The following MBD2 variants were observed in gnomAD, a reference collection of about 807,000 sequenced individuals.
MBD2 encodes methyl-CpG-binding domain protein 2.
In MBD2, 9 loss-of-function variants were observed where a neutral mutation model predicts 39.3. The ratio of observed to expected loss-of-function variants is 0.23; its 90% confidence interval spans 0.14 to 0.40. The LOEUF is 0.40. MBD2 is among the 10% of genes least tolerant of loss of function. The probability of loss-of-function intolerance (pLI) is 1.00; values close to 1 mark genes in which losing one functional copy is unlikely to be tolerated. For synonymous variants in MBD2, 233 were observed against 211.1 expected, an observed-to-expected ratio of 1.10 and a Z score of -0.90; for missense variants, 458 against 532.6, an observed-to-expected ratio of 0.86 and a Z score of 1.38.
intron 1 of MBD2, 23 bp downstream of exon 1, chr18:54,223,995 C>CCA: frequency 6.4e-7 from 1 of 1,571,226 alleles, no homozygotes; most frequent in East Asian, 2.4e-5. Flanking sequence ...CCCGCCACCC[C>CCA]CTCCCCGCCC....
At chr18:54,165,874 A>G (rs192824027) in intron 4 of MBD2, among the ~76,000 whole-genome samples, 85 of 152,374 alleles carry the variant, frequency 5.6e-4, no homozygotes, top group African/African-American at 1.6e-3. Flanking sequence ...ACTACACTGC[A>G]GCATCCCTGC....
At chr18:54,196,484 T>G (rs1021656904) in intron 2 of MBD2, among the ~76,000 whole-genome samples, 3 of 152,194 alleles carry the variant, frequency 2.0e-5, no homozygotes, top group African/African-American at 7.2e-5. Flanking sequence ...ACTCAGACAG[T>G]TATTCTATGG....
Position 54,188,949 on chromosome 18 carries a change from C to T in MBD2, c.765G>A (p.Pro255=), listed in dbSNP as rs867194627. Residue 255 remains proline (P), a synonymous_variant, in exon 3 of 7, where the codon CCG becomes CCA. Transcript: ENST00000256429. ...IRQTASIFKQ[P]VTKVTNHPSN... The stretch of plus-strand genomic sequence containing the variant: ...TAGGATGATTTGTGACTTTGGTTAC[C>T]GGTTGTTTGAAAATTGATGCTGTTT... The T allele has an allele frequency of 2.5e-6, 4 of 1,609,704 alleles. No homozygotes were observed. The highest frequency in any genetic ancestry group is 1.7e-4 in the Middle Eastern group (1 of 6,060).
At chr18:54,217,711 T>A (rs2086573083) in intron 1 of MBD2, among the ~76,000 whole-genome samples, 1 of 152,236 alleles carries the variant, frequency 6.6e-6, no homozygotes, top group African/African-American at 2.4e-5. Context: ...TCTCATTAAC[T>A]AAATTTTTAA....
chr18:54,200,580 GAC>G (rs924156221), intron 2 of MBD2, among the ~76,000 whole-genome samples: 1 of 152,166 alleles, frequency 6.6e-6, no homozygotes. Flanking sequence ...TAAAAATGTT[GAC>G]AGTCACATCT....
chr18:54,217,264 T>C (rs899536394), intron 1 of MBD2, among the ~76,000 whole-genome samples: 3 of 152,240 alleles, frequency 2.0e-5, no homozygotes, highest in East Asian at 1.9e-4. Flanking sequence ...CAAAATGAGT[T>C]TGAATTTGTA....
chr18:54,198,423 A>C (rs2086381832), intron 2 of MBD2, among the ~76,000 whole-genome samples: 1 of 152,214 alleles, frequency 6.6e-6, no homozygotes, highest in Non-Finnish European at 1.5e-5. Context: ...TCTTGGAGAA[A>C]TGTACACAAG....
In MBD2 at chr18:54,186,942, A is replaced by G. The variant is rs185798238; in HGVS notation, c.840+1932T>C. Among the ~76,000 whole-genome samples, 357 of 152,330 alleles carry G rather than the reference A, an allele frequency of 2.3e-3. 1 individual carries two copies. The highest frequency in any genetic ancestry group is 1.2e-3 in the Admixed American group (18 of 15,298). Reference sequence around the variant, plus strand: ...TCATTTGAGAATAATCTCATACACCATAATAAAAGAAGGAAAACTTAAAAC... The same window carrying G: ...TCATTTGAGAATAATCTCATACACCGTAATAAAAGAAGGAAAACTTAAAAC... On this transcript the variant is annotated intron_variant, in intron 3 of 6. Coordinates refer to ENST00000256429, the MANE Select transcript of MBD2 (RefSeq NM_003927.5).
chr18:54,190,208 T>C (rs925958185), intron 2 of MBD2, among the ~76,000 whole-genome samples: 1 of 152,192 alleles, frequency 6.6e-6, no homozygotes, highest in South Asian at 2.1e-4. Context: ...CAGTAGGTCT[T>C]TGAATAATGT....
At chr18:54,216,417 C>T (rs1243901101) in intron 1 of MBD2, among the ~76,000 whole-genome samples, 2 of 152,082 alleles carry the variant, frequency 1.3e-5, no homozygotes, top group Non-Finnish European at 2.9e-5. Flanking sequence ...CTTCACTTAG[C>T]GAAGATTTAT....
intron 1 of MBD2, among the ~76,000 whole-genome samples, chr18:54,219,017 C>T (rs148349902): frequency 2.9e-3 from 445 of 150,854 alleles, no homozygotes; most frequent in African/African-American, 0.01. Flanking sequence ...TAGCAAAATA[C>T]TACTAATAGG....
chr18:54,196,649 AG>A (rs1351612768), intron 2 of MBD2, among the ~76,000 whole-genome samples: 2 of 152,146 alleles, frequency 1.3e-5, no homozygotes, highest in Non-Finnish European at 2.9e-5. Context: ...GACCTATAAA[AG>A]TTCTGTTAAC....
At chr18:54,197,729 G>A (rs746206621) in intron 2 of MBD2, among the ~76,000 whole-genome samples, 9 of 152,028 alleles carry the variant, frequency 5.9e-5, no homozygotes, top group Non-Finnish European at 1.2e-4. Context: ...CCACGGGCAC[G>A]CGTCTAGATC....
rs1861796429 is a variant in MBD2, at chr18:54,159,860, C to T, written c.1153G>A (p.Glu385Lys). Residue 385 changes from glutamate to lysine, a missense_variant, in exon 6 of 7, where the codon GAA becomes AAA. This residue lies in a region of MBD2 where 189 missense variants were observed against 296.6 expected (regional missense o/e 0.64). Coordinates refer to ENST00000256429, the MANE Select transcript of MBD2 (RefSeq NM_003927.5). ...GACAAGATGTCTGCCATCAGTGCTT[C>T]TTCCAATTTCTTGCGTACTTGCTGT... is the stretch of plus-strand genomic sequence containing the variant. Reference protein sequence around the residue: ...RVQQVRKKLEEALMADILSRA... With the variant: ...RVQQVRKKLEKALMADILSRA... 6.2e-7 allele frequency: 1 copy of T among 1,612,784 alleles called. No homozygotes were observed. Among genetic ancestry groups the T allele is most frequent in the African/African-American group, 1.3e-5 (1 of 74,926 alleles).
intron 1 of MBD2, among the ~76,000 whole-genome samples, chr18:54,213,159 T>C (rs955872694): frequency 6.6e-6 from 1 of 152,012 alleles, no homozygotes; most frequent in Non-Finnish European, 1.5e-5. Context: ...TAGTATTATC[T>C]CTATTTCACG....
intron 2 of MBD2, chr18:54,203,069 G>T (rs767746369): frequency 2.6e-6 from 4 of 1,510,194 alleles, no homozygotes; most frequent in Non-Finnish European, 2.8e-6. Context: ...GAAAGCGCAT[G>T]CCATGGTGCA....
intron 1 of MBD2, among the ~76,000 whole-genome samples, chr18:54,209,883 T>G (rs1489339509): frequency 6.6e-6 from 1 of 152,224 alleles, no homozygotes; most frequent in African/African-American, 2.4e-5. Context: ...ATCACCTGTC[T>G]ACCCTCAATA....
intron 2 of MBD2, among the ~76,000 whole-genome samples, chr18:54,198,449 T>G (rs1187071797): frequency 1.3e-5 from 2 of 152,206 alleles, no homozygotes; most frequent in Non-Finnish European, 2.9e-5. Flanking sequence ...ATGCTGTGGC[T>G]CACGCCTGTA....
At chr18:54,160,036 C>G in intron 5 of MBD2, 133 bp from the exon 6 acceptor site, 1 of 1,041,594 alleles carries the variant, frequency 9.6e-7, no homozygotes, top group Non-Finnish European at 1.4e-6. Flanking sequence ...CAGATTTTTG[C>G]AGAGGTTGCT....
Sources: gnomAD v4.1 joint callset for allele counts (sites outside exome capture counted in the v4.1 genomes callset) on GRCh38, gnomAD v4.1.1 for gene constraint, gnomAD v4.1.1 regional missense constraint, MANE v1.5 for transcripts, NCBI Gene and HGNC (gene_info 2026-07-23, HGNC 2026-07-21) for gene names.